MYO5A: variants seen among roughly 807,000 people sequenced by gnomAD.
MYO5A encodes the protein myosin VA, also known as unconventional myosin-Va.
MYO5A carries 98 observed loss-of-function variants against 249.7 expected under a neutral mutation model. That is an observed-to-expected ratio of 0.39 (90% CI 0.33 to 0.46). The LOEUF (loss-of-function observed/expected upper bound fraction) is 0.46, where lower values mean the gene tolerates loss of function less well. Among genes scored for constraint, MYO5A ranks in the 20% least tolerant of loss-of-function variants. The pLI, the probability that MYO5A is intolerant of heterozygous loss-of-function variation, is 0.98. For missense variants in MYO5A, 1,696 were observed against 2,308.8 expected (o/e 0.73, Z 5.44); for synonymous variants, 778 against 810.6 (o/e 0.96, Z 0.68).
chr15:52,408,766 A>G (rs2043121375), intron 6 of MYO5A, among the ~76,000 whole-genome samples: 1 of 152,202 alleles, frequency 6.6e-6, no homozygotes, highest in Non-Finnish European at 1.5e-5. Flanking sequence ...CATACACCTA[A>G]TAGTTTATCA....
At chr15:52,338,373 G>C (rs1259124894) in intron 32 of MYO5A, among the ~76,000 whole-genome samples, 1 of 152,078 alleles carries the variant, frequency 6.6e-6, no homozygotes, top group African/African-American at 2.4e-5. Context: ...GACAGCACGG[G>C]GGAGGCCTGT....
chr15:52,364,944 T>C (rs991639912), intron 23 of MYO5A, among the ~76,000 whole-genome samples: 10 of 152,240 alleles, frequency 6.6e-5, no homozygotes, highest in Non-Finnish European at 1.2e-4. Context: ...TACCACTAAT[T>C]GATACACTGG....
At position 52,310,232 on chromosome 15, in the gene MYO5A, A is replaced by C. The variant is rs574645782; in HGVS notation, c.*3464T>G. 3.9e-5 allele frequency: 6 copies of C among 152,362 alleles called. No individual in the cohort carries two copies. In the South Asian group the frequency reaches 1.2e-3, roughly 32 times the overall value. 9.4% of individuals were successfully genotyped at this position (152,362 alleles called of 1,614,324 possible). On this transcript the variant is annotated 3_prime_UTR_variant, in exon 42 of 42. Transcript: ENST00000399233. ...CATCAGATATGTGGAAATTTTTTAA[A>C]CTTCCAAAGGAATTAGAAGCTACAC... is the stretch of plus-strand genomic sequence containing the variant.
At position 52,370,286 on chromosome 15, in the gene MYO5A, C is replaced by T. The variant is rs192639947; in HGVS notation, c.2949G>A (p.Gly983=). 9.3e-6 allele frequency: 15 copies of T among 1,614,142 alleles called. No homozygotes were observed. The African/African-American group carries it at 1.2e-4, about 13-fold the overall frequency. ...TTTCTTCCTGCAGACTAAGGACCCG[C>T]CCAGTGGCAACTTTCGCTTCCTCTT... The part of the protein sequence containing the change: ...LSEEEAKVAT[G]RVLSLQEEIA... The change falls in exon 22 of 42, where the codon GGG becomes GGA. Residue 983 remains glycine, a synonymous_variant. Transcript: ENST00000399233.
chr15:52,416,888 T>C (rs1344275457), intron 4 of MYO5A, among the ~76,000 whole-genome samples: 1 of 152,240 alleles, frequency 6.6e-6, no homozygotes, highest in Non-Finnish European at 1.5e-5. Flanking sequence ...CTCCAGCTCT[T>C]TCTCTTTCTC....
chr15:52,520,547 A>G (rs74949271), intron 1 of MYO5A, among the ~76,000 whole-genome samples: 138 of 152,314 alleles, frequency 9.1e-4, no homozygotes, highest in African/African-American at 2.8e-3. Flanking sequence ...GAGAGCCCCA[A>G]TGACCATGTC....
At chr15:52,521,831 C>T (rs1368578483) in intron 1 of MYO5A, among the ~76,000 whole-genome samples, 1 of 152,266 alleles carries the variant, frequency 6.6e-6, no homozygotes, top group East Asian at 1.9e-4. Context: ...GTTGTATCAG[C>T]ACAAACTCAG....
intron 2 of MYO5A, among the ~76,000 whole-genome samples, chr15:52,429,705 A>C (rs1490219207): frequency 3.3e-5 from 3 of 91,250 alleles, no homozygotes; most frequent in African/African-American, 9.8e-5. Flanking sequence ...AAACAAAAAA[A>C]CAAAACAAAA....
chr15:52,398,986 C>A (rs558429825), intron 9 of MYO5A, among the ~76,000 whole-genome samples: 18 of 136,518 alleles, frequency 1.3e-4, no homozygotes, highest in Non-Finnish European at 2.0e-4. Context: ...GAGACTCCGT[C>A]TCAAAAAAAA....
intron 1 of MYO5A, among the ~76,000 whole-genome samples, chr15:52,472,237 C>T (rs1027731092): frequency 2.0e-5 from 3 of 152,026 alleles, no homozygotes; most frequent in African/African-American, 7.2e-5. Flanking sequence ...AGCCACCACG[C>T]CCGGCTAATT....
At chr15:52,451,226 T>C (rs1023594701) in intron 1 of MYO5A, among the ~76,000 whole-genome samples, 3 of 152,102 alleles carry the variant, frequency 2.0e-5, no homozygotes, top group Non-Finnish European at 4.4e-5. Flanking sequence ...AAAAAACTGA[T>C]ACTCAGGACT....
chr15:52,520,023 C>G (rs1312003772), intron 1 of MYO5A, among the ~76,000 whole-genome samples: 2 of 152,146 alleles, frequency 1.3e-5, no homozygotes, highest in Non-Finnish European at 2.9e-5. Flanking sequence ...AGCCACCGCA[C>G]CTGGCCTGGC....
chr15:52,308,722 C>T lies in MYO5A; in HGVS notation c.*4974G>A, dbSNP rs1381315920. ...ACATCCAGTCAAAACTCTCACAAAA[C>T]CTTGAGAAACAGGGCAAGATATCCC... On this transcript the variant is annotated 3_prime_UTR_variant, in exon 42 of 42. Coordinates refer to ENST00000399233, the MANE Select transcript of MYO5A (RefSeq NM_001382347.1). The T allele has an allele frequency of 6.6e-6, 1 of 152,664 alleles. No homozygotes were observed. Among genetic ancestry groups the T allele is most frequent in the Non-Finnish European group, 1.5e-5 (1 of 68,100 alleles). The allele number at this position is 152,664 out of a possible 1,614,324, so 9.5% of individuals were successfully genotyped here. A position where few individuals can be genotyped will look rare whatever the true frequency, so the allele number is the denominator to read the frequency against.
chr15:52,437,341 T>C (rs1321200960), intron 1 of MYO5A, among the ~76,000 whole-genome samples: 1 of 152,134 alleles, frequency 6.6e-6, no homozygotes, highest in Non-Finnish European at 1.5e-5. Flanking sequence ...ATGCCTGTAA[T>C]CCCAGCTCTT....
At chr15:52,374,194 G>C (rs1258541489) in intron 20 of MYO5A, among the ~76,000 whole-genome samples, 1 of 152,080 alleles carries the variant, frequency 6.6e-6, no homozygotes, top group Non-Finnish European at 1.5e-5. Flanking sequence ...TGATAATTAA[G>C]ACTACTCTGG....
chr15:52,528,748 C>G (rs992800450), intron 1 of MYO5A, 32 bp downstream of exon 1: 1 of 1,501,962 alleles, frequency 6.7e-7, no homozygotes, highest in Non-Finnish European at 8.8e-7. Context: ...CGCACAGCCC[C>G]AGTCCTCGAC....
chr15:52,485,962 C>T (rs1336160638), intron 1 of MYO5A, among the ~76,000 whole-genome samples: 1 of 152,168 alleles, frequency 6.6e-6, no homozygotes, highest in Non-Finnish European at 1.5e-5. Flanking sequence ...TTTTAAGTTG[C>T]TAATTATCAC....
intron 1 of MYO5A, among the ~76,000 whole-genome samples, chr15:52,444,918 T>C (rs902319366): frequency 6.6e-6 from 1 of 152,146 alleles, no homozygotes; most frequent in Non-Finnish European, 1.5e-5. Flanking sequence ...ACACATACAT[T>C]ATATGAGACA....
intron 1 of MYO5A, among the ~76,000 whole-genome samples, chr15:52,517,882 A>G (rs1159329451): frequency 6.6e-6 from 1 of 152,154 alleles, no homozygotes; most frequent in African/African-American, 2.4e-5. Context: ...AGGTGGTATA[A>G]TTAGTTTATT....
Sources: gnomAD v4.1 joint callset for allele counts (sites outside exome capture counted in the v4.1 genomes callset) on GRCh38, gnomAD v4.1.1 for gene constraint, MANE v1.5 for transcripts, NCBI Gene and HGNC (gene_info 2026-07-23, HGNC 2026-07-21) for gene names.